The following PRDM2 variants were observed in gnomAD, a reference collection of about 807,000 sequenced individuals.
The protein encoded by PRDM2 is PR/SET domain 2, also known as PR domain zinc finger protein 2.
Under a neutral mutation model 130.0 loss-of-function variants are expected in PRDM2, and 30 were observed. That is an observed-to-expected ratio of 0.23 (90% CI 0.17 to 0.31). The LOEUF (loss-of-function observed/expected upper bound fraction) is 0.31. Among genes scored for constraint, PRDM2 ranks in the 10% least tolerant of loss-of-function variants. PRDM2 has a pLI of 1.00. For missense variants in PRDM2, 2,011 were observed against 2,108.4 expected (o/e 0.95, Z 0.90); for synonymous variants, 871 against 782.4 (o/e 1.11, Z -1.89).
intron 8 of PRDM2, among the ~76,000 whole-genome samples, chr1:13,788,360 T>C (rs1479102663): frequency 1.3e-5 from 2 of 152,248 alleles, no homozygotes; most frequent in African/African-American, 4.8e-5. Context: ...ATTTCATCTG[T>C]GGGGTCTCTG....
chr1:13,792,505 T>A (rs1482009889), intron 8 of PRDM2, among the ~76,000 whole-genome samples: 2 of 152,246 alleles, frequency 1.3e-5, no homozygotes, highest in East Asian at 3.8e-4. Flanking sequence ...ACTTGCTTTT[T>A]ATAATCGCAT....
At position 13,800,641 on chromosome 1, in the gene PRDM2, C is replaced by T. The variant is rs149707209; in HGVS notation, c.5037-15786C>T. Among the ~76,000 whole-genome samples, 863 of 152,282 alleles carry T rather than the reference C, an allele frequency of 5.7e-3. 6 individuals are homozygous for T. The highest frequency in any genetic ancestry group is 0.02 in the African/African-American group (821 of 41,554). On this transcript the variant is annotated intron_variant, in intron 8 of 9. Coordinates refer to ENST00000311066, the MANE Select transcript of PRDM2 (RefSeq NM_001393986.1). ...GTTTTGGGGTCATGAATTTAAAATG[C>T]GGTCAGGCAGCATGTTTGTGTGTTT...
At position 13,777,783 on chromosome 1, in the gene PRDM2, C is replaced by T. The variant is rs556214383; in HGVS notation, c.623-635C>T. Among the ~76,000 whole-genome samples, 13 of 151,348 alleles carry T rather than the reference C, an allele frequency of 8.6e-5. No homozygotes were observed. In the South Asian group the frequency reaches 2.5e-3, roughly 30 times the overall value. Reference sequence around the variant, plus strand: ...TCCGAAGTGACTGCAGATTTCTGTTCCCTTCAGTGAGATGCTCCTGAGTTC... The same window carrying T: ...TCCGAAGTGACTGCAGATTTCTGTTTCCTTCAGTGAGATGCTCCTGAGTTC... On this transcript the variant is annotated intron_variant, in intron 7 of 9. Transcript: ENST00000311066.
intron 8 of PRDM2, among the ~76,000 whole-genome samples, chr1:13,810,758 CA>C (rs1164363664): frequency 6.6e-6 from 1 of 151,828 alleles, no homozygotes; most frequent in East Asian, 2.0e-4. Context: ...CCTCCCAAAG[CA>C]CTGGGATTAC....
At chr1:13,714,737 T>C (rs1642480675) in intron 1 of PRDM2, among the ~76,000 whole-genome samples, 1 of 152,100 alleles carries the variant, frequency 6.6e-6, no homozygotes, top group African/African-American at 2.4e-5. Context: ...CATAAAGAAA[T>C]AGGAGAATTA....
Position 13,803,010 on chromosome 1 carries a change from CG to C in PRDM2, c.5037-13414del, listed in dbSNP as rs776278116. On this transcript the variant is annotated intron_variant, in intron 8 of 9. Transcript: ENST00000311066. This position sits in a 1 kb window ranked among gnomAD's most constrained non-coding sequence, Gnocchi z 6.2. ...TCCACCCTGCTGGGCTTCTCTCACC[CG>C]GGCTGGTCGTGTCACGGGCAGTGAC... Among the ~76,000 whole-genome samples the C allele has an allele frequency of 9.2e-5, 14 of 152,168 alleles. No homozygotes were observed. Among genetic ancestry groups the C allele is most frequent in the Non-Finnish European group, 2.1e-4 (14 of 68,028 alleles).
intron 2 of PRDM2, among the ~76,000 whole-genome samples, chr1:13,728,607 C>A (rs919025169): frequency 1.3e-4 from 19 of 151,692 alleles, no homozygotes; most frequent in Non-Finnish European, 1.5e-4. Flanking sequence ...GTGAAGGATA[C>A]GACAATAACA....
In PRDM2 at chr1:13,778,951, G is replaced by A. The variant is rs375551583; in HGVS notation, c.1156G>A (p.Val386Ile). The A allele has an allele frequency of 5.5e-5, 88 of 1,614,042 alleles. 1 individual carries two copies. The highest frequency in any genetic ancestry group is 6.4e-5 in the Non-Finnish European group (75 of 1,180,048). ...ERHMHIHIST[V>I]NHAFKCKYCG... ...TCACATGCATATCCATATATCCACC[G>A]TCAATCATGCTTTCAAATGCAAGTA... The change falls in exon 8 of 10, where the codon GTC (valine) becomes ATC (isoleucine). Residue 386 changes from valine (V) to isoleucine (I), a missense_variant. Transcript: ENST00000311066.
chr1:13,776,176 T>C (rs1419078940), intron 7 of PRDM2, among the ~76,000 whole-genome samples: 1 of 152,078 alleles, frequency 6.6e-6, no homozygotes, highest in Non-Finnish European at 1.5e-5. Context: ...TGCTTGTGTG[T>C]GGCTTGTATT....
intron 3 of PRDM2, among the ~76,000 whole-genome samples, chr1:13,732,175 C>A (rs1207698361): frequency 6.6e-6 from 1 of 152,128 alleles, no homozygotes; most frequent in Non-Finnish European, 1.5e-5. Context: ...TAGAAACAAC[C>A]CTAAGAATAC....
At position 13,742,071 on chromosome 1, in the gene PRDM2, C is replaced by G. The variant is rs776791719; in HGVS notation, c.298C>G (p.Arg100Gly). The change falls in exon 5 of 10, where the codon CGA (arginine) becomes GGA (glycine). Residue 100 changes from arginine (R) to glycine (G), a missense_variant. Transcript: ENST00000311066. ...ATDPEKGNWLRYVNWACSGEE... is the reference protein window; with the variant it reads ...ATDPEKGNWLGYVNWACSGEE... The stretch of plus-strand genomic sequence containing the variant: ...TGATCCAGAGAAGGGAAACTGGCTG[C>G]GATATGTGAATTGGGCTTGCTCAGG... 2 of 1,606,190 alleles carry G rather than the reference C, an allele frequency of 1.2e-6. No individual in the cohort carries two copies. Among genetic ancestry groups the G allele is most frequent in the Non-Finnish European group, 1.7e-6 (2 of 1,172,928 alleles).
At chr1:13,816,357 C>G (rs896209614) in intron 8 of PRDM2, 70 bp from the exon 9 acceptor site, 2 of 1,574,998 alleles carry the variant, frequency 1.3e-6, no homozygotes, top group African/African-American at 1.3e-5. Context: ...CTAAGGAAGC[C>G]CCCCCAGCAA....
intron 6 of PRDM2, among the ~76,000 whole-genome samples, chr1:13,769,807 T>C (rs150715753): frequency 2.4e-4 from 37 of 152,344 alleles, no homozygotes; most frequent in Non-Finnish European, 4.4e-4. Flanking sequence ...TTTTAATACA[T>C]GTATAGACCG....
At chr1:13,795,650 T>C (rs79887378) in intron 8 of PRDM2, among the ~76,000 whole-genome samples, 2,880 of 152,322 alleles carry the variant, frequency 0.019, 52 homozygotes, top group Middle Eastern at 0.078. Context: ...GATGTCTTTG[T>C]TCTTCCTGGG....
chr1:13,754,034 G>T (rs796395503), intron 6 of PRDM2, among the ~76,000 whole-genome samples: 6 of 152,130 alleles, frequency 3.9e-5, no homozygotes, highest in African/African-American at 1.4e-4. Context: ...TTTGCAGGGT[G>T]GGTGGAGGAG....
chr1:13,762,184 A>C (rs927870114), intron 6 of PRDM2, among the ~76,000 whole-genome samples: 8 of 152,236 alleles, frequency 5.3e-5, no homozygotes, highest in African/African-American at 1.9e-4. Flanking sequence ...TGACAACAGT[A>C]TCCGATCAGT....
In PRDM2 at chr1:13,780,588, T is replaced by C; in HGVS notation, c.2793T>C (p.Ser931=). 6.2e-7 allele frequency: 1 copy of C among 1,614,146 alleles called. No homozygotes were observed. The highest frequency in any genetic ancestry group is 8.5e-7 in the Non-Finnish European group (1 of 1,180,032). Residue 931 remains serine, a synonymous_variant, in exon 8 of 10, where the codon TCT becomes TCC. Transcript: ENST00000311066. ...CAGATCCTGACCTCGGTCCGGGCTCTGGTTTCCCTGCCCCTACTGTTGAGT... is the reference window on the plus strand; with the variant it reads ...CAGATCCTGACCTCGGTCCGGGCTCCGGTTTCCCTGCCCCTACTGTTGAGT... The part of the protein sequence containing the change: ...AQPDPDLGPG[S]GFPAPTVEST...
intron 6 of PRDM2, among the ~76,000 whole-genome samples, chr1:13,749,893 AGCTTGACAGCCCCGGCTCC>A (rs964243038): frequency 3.3e-5 from 5 of 152,176 alleles, no homozygotes; most frequent in Admixed American, 3.3e-4. Flanking sequence ...TCTCGCGGCT[AGCTTGACAGCCCCGGCTCC>A]GCAGACTCGG....
At chr1:13,784,848 A>G (rs2100685906) in intron 8 of PRDM2, among the ~76,000 whole-genome samples, 1 of 152,312 alleles carries the variant, frequency 6.6e-6, no homozygotes, top group South Asian at 2.1e-4. Context: ...AGGTGCTGGA[A>G]CTGTGCTGCG....
Sources: allele counts gnomAD v4.1 joint callset (sites outside exome capture counted in the v4.1 genomes callset), GRCh38; gene constraint gnomAD v4.1.1; non-coding constraint Gnocchi (gnomAD v3.1); transcripts MANE v1.5; gene names NCBI Gene and HGNC (gene_info 2026-07-23, HGNC 2026-07-21).